PPM1H: variants seen among roughly 807,000 people sequenced by gnomAD.
PPM1H encodes protein phosphatase 1H.
A neutral mutation model predicts 54.9 loss-of-function variants in PPM1H; 27 were observed. That is an observed-to-expected ratio of 0.49 (90% CI 0.36 to 0.68). The LOEUF (loss-of-function observed/expected upper bound fraction) is 0.68. Ranked by LOEUF, PPM1H falls within the 30% of genes least tolerant of loss-of-function variation. The pLI, the probability that PPM1H is intolerant of heterozygous loss-of-function variation, is 0.00. For synonymous variants in PPM1H, 305 were observed against 270.8 expected (o/e 1.13, Z -1.24); for missense variants, 596 against 667.8 (o/e 0.89, Z 1.19).
intron 8 of PPM1H, among the ~76,000 whole-genome samples, chr12:62,674,199 C>T (rs949664318): frequency 5.9e-5 from 9 of 152,230 alleles, no homozygotes; most frequent in South Asian, 2.1e-4. Flanking sequence ...ATCTGAATAT[C>T]GTCTAGTTGG....
intron 1 of PPM1H, among the ~76,000 whole-genome samples, chr12:62,901,709 G>A (rs1315865037): frequency 6.6e-6 from 1 of 152,144 alleles, no homozygotes; most frequent in Non-Finnish European, 1.5e-5. Flanking sequence ...ATACATGATA[G>A]CCAATTAATG....
chr12:62,740,661 C>A (rs968270050), intron 4 of PPM1H, among the ~76,000 whole-genome samples: 1 of 152,220 alleles, frequency 6.6e-6, no homozygotes, highest in Non-Finnish European at 1.5e-5. Flanking sequence ...AAGAACCATG[C>A]CTGTCTTGAT....
At chr12:62,676,609 GC>G (rs1277588376) in intron 8 of PPM1H, among the ~76,000 whole-genome samples, 1 of 152,168 alleles carries the variant, frequency 6.6e-6, no homozygotes, top group African/African-American at 2.4e-5. Flanking sequence ...CAAAGTTGTC[GC>G]TGAGCCTGGT....
At position 62,802,015 on chromosome 12, in the gene PPM1H, A is replaced by G. The variant is rs759872673; in HGVS notation, c.557T>C (p.Val186Ala). 4 of 1,613,450 alleles carry G rather than the reference A, an allele frequency of 2.5e-6. No homozygotes were observed. In the African/African-American group the frequency reaches 4.0e-5, roughly 16 times the overall value. ...DIVDILKNSA[V>A]LPPTCLGEEP... ...CTCCCCCAGGCAGGTAGGGGGCAGG[A>G]CGGCGGAGTTCTTCAGGATGTCCAC... The change falls in exon 3 of 10, where the codon GTC (valine) becomes GCC (alanine). Residue 186 changes from valine to alanine, a missense_variant. Physicochemically the swap from Val to Ala is moderately conservative, Grantham distance 64 (BLOSUM62 0). Around this residue, in one of 3 missense-constraint regions of PPM1H, gnomAD observed 382 missense variants for 387.1 expected, o/e 0.99. Transcript: ENST00000228705.
At chr12:62,840,703 C>G (rs927359494) in intron 1 of PPM1H, among the ~76,000 whole-genome samples, 8 of 152,104 alleles carry the variant, frequency 5.3e-5, no homozygotes, top group African/African-American at 1.9e-4. Flanking sequence ...AGGGTGTGAC[C>G]TAAGTATTGG....
intron 1 of PPM1H, among the ~76,000 whole-genome samples, chr12:62,847,585 T>C (rs1869022722): frequency 6.6e-6 from 1 of 152,172 alleles, no homozygotes; most frequent in African/African-American, 2.4e-5. Flanking sequence ...CTACCTAACA[T>C]CCTGTGCTAA....
intron 1 of PPM1H, among the ~76,000 whole-genome samples, chr12:62,927,668 A>C (rs1003019736): frequency 3.3e-5 from 5 of 151,846 alleles, no homozygotes; most frequent in Non-Finnish European, 7.4e-5. Context: ...GTCTCAAAAA[A>C]AAAAAAAGAA....
intron 4 of PPM1H, among the ~76,000 whole-genome samples, chr12:62,767,995 A>G (rs1212404369): frequency 6.6e-6 from 1 of 152,168 alleles, no homozygotes; most frequent in Non-Finnish European, 1.5e-5. Context: ...TCTTAATTAT[A>G]TCTACCAAGA....
At chr12:62,846,314 C>T (rs1010361431) in intron 1 of PPM1H, among the ~76,000 whole-genome samples, 3 of 152,076 alleles carry the variant, frequency 2.0e-5, no homozygotes, top group African/African-American at 7.2e-5. Flanking sequence ...GCCTAGCCAA[C>T]ATGGCAAAAC....
intron 9 of PPM1H, among the ~76,000 whole-genome samples, chr12:62,649,870 T>C (rs1270937834): frequency 6.6e-6 from 1 of 152,218 alleles, no homozygotes; most frequent in African/African-American, 2.4e-5. Context: ...TGTATCTTGA[T>C]TAAATCAGTT....
chr12:62,791,481 C>T (rs543751420), intron 3 of PPM1H, among the ~76,000 whole-genome samples: 2 of 152,244 alleles, frequency 1.3e-5, no homozygotes, highest in African/African-American at 2.4e-5. Flanking sequence ...ATGATAGATA[C>T]ATATTTTACT....
chr12:62,740,989 G>A (rs1054432475), intron 4 of PPM1H, among the ~76,000 whole-genome samples: 8 of 152,112 alleles, frequency 5.3e-5, no homozygotes, highest in African/African-American at 1.2e-4. Flanking sequence ...TGTTGTGCTC[G>A]GCCTGGAACA....
chr12:62,792,257 C>T (rs552829824), intron 3 of PPM1H, among the ~76,000 whole-genome samples: 1 of 152,308 alleles, frequency 6.6e-6, no homozygotes, highest in African/African-American at 2.4e-5. Flanking sequence ...TTGGGGGAAA[C>T]ATTCCAGTTA....
rs150369159 is a variant in PPM1H, at chr12:62,895,842, C to T, written c.245+38650G>A. On this transcript the variant is annotated intron_variant, in intron 1 of 9. Transcript: ENST00000228705. ...GCCCTCATCAGAAGTGGAGCAGGTG[C>T]TGGAGCCATGCTTCTTGTACAGCCT... 1.2e-3 allele frequency among the ~76,000 whole-genome samples: 179 copies of T among 152,278 alleles called. 1 individual carries two copies. Among genetic ancestry groups the T allele is most frequent in the African/African-American group, 4.2e-3 (176 of 41,562 alleles).
At position 62,647,353 on chromosome 12, in the gene PPM1H, G is replaced by A. The variant is rs2075791773; in HGVS notation, c.*1136C>T. On this transcript the variant is annotated 3_prime_UTR_variant, in exon 10 of 10. Coordinates refer to ENST00000228705, the MANE Select transcript of PPM1H (RefSeq NM_020700.2). The stretch of plus-strand genomic sequence containing the variant: ...GCCTTGCACAAAGATGATGGGGAGA[G>A]CAGAACTGCTGCTCCTTGACAGAAC... 1 of 152,212 alleles carries A rather than the reference G, an allele frequency of 6.6e-6. No homozygotes were observed. The highest frequency in any genetic ancestry group is 2.1e-4 in the South Asian group (1 of 4,836). 9.4% of individuals were successfully genotyped at this position (152,212 alleles called of 1,614,324 possible).
At chr12:62,884,917 G>T (rs564880047) in intron 1 of PPM1H, among the ~76,000 whole-genome samples, 2 of 152,060 alleles carry the variant, frequency 1.3e-5, no homozygotes, top group Non-Finnish European at 1.5e-5. Context: ...CAGTATTGAG[G>T]GTGTATTAGT....
At chr12:62,894,776 A>C (rs899041557) in intron 1 of PPM1H, among the ~76,000 whole-genome samples, 1 of 152,210 alleles carries the variant, frequency 6.6e-6, no homozygotes, top group Non-Finnish European at 1.5e-5. Flanking sequence ...TCACGCCTTT[A>C]ATCTCCACAT....
intron 2 of PPM1H, among the ~76,000 whole-genome samples, chr12:62,823,793 T>C (rs2120825479): frequency 6.6e-6 from 1 of 152,278 alleles, no homozygotes; most frequent in South Asian, 2.1e-4. Context: ...GCCAATATCA[T>C]ACTGAATGGG....
At chr12:62,837,243 C>T (rs1373011685) in intron 1 of PPM1H, among the ~76,000 whole-genome samples, 1 of 152,186 alleles carries the variant, frequency 6.6e-6, no homozygotes, top group Non-Finnish European at 1.5e-5. Flanking sequence ...ATAAACCTGA[C>T]TTCAAGGACA....
Sources: allele counts gnomAD v4.1 joint callset (sites outside exome capture counted in the v4.1 genomes callset), GRCh38; gene constraint gnomAD v4.1.1; regional missense constraint gnomAD v4.1.1; transcripts MANE v1.5; gene names NCBI Gene and HGNC (gene_info 2026-07-23, HGNC 2026-07-21).